Variants in KDM6A observed in about 807,000 individuals in gnomAD.
The protein encoded by KDM6A is lysine demethylase 6A, also known as lysine-specific demethylase 6A.
A neutral mutation model predicts 117.6 loss-of-function variants in KDM6A; 11 were observed. The observed-to-expected ratio is 0.09, with a 90% CI of 0.06 to 0.15. The LOEUF is 0.15. Among genes scored for constraint, KDM6A ranks in the 10% least tolerant of loss-of-function variants. The pLI is 1.00. For missense variants in KDM6A, 799 were observed against 1,077.3 expected (o/e 0.74, Z 3.62); for synonymous variants, 384 against 396.1 (o/e 0.97, Z 0.36).
At chrX:44,926,372 C>T (rs968957897) in intron 2 of KDM6A, among the ~76,000 whole-genome samples, 2 of 111,122 alleles carry the variant, frequency 1.8e-5, no homozygotes, top group African/African-American at 3.3e-5. Context: ...CCACCACTCC[C>T]GGCCAAGGAT....
At chrX:44,885,828 C>T (rs1394472265) in intron 2 of KDM6A, among the ~76,000 whole-genome samples, 2 of 109,762 alleles carry the variant, frequency 1.8e-5, no homozygotes, top group African/African-American at 6.6e-5. Flanking sequence ...TGAGATCACA[C>T]CACTGCATTC....
chrX:44,882,540 T>C (rs1191366354), intron 2 of KDM6A, among the ~76,000 whole-genome samples: 1 of 112,521 alleles, frequency 8.9e-6, no homozygotes, highest in Non-Finnish European at 1.9e-5. Flanking sequence ...ATTTTGTTTG[T>C]ATTTTGATAC....
chrX:44,885,624 A>G (rs1157109320), intron 2 of KDM6A, among the ~76,000 whole-genome samples: 1 of 110,548 alleles, frequency 9.0e-6, no homozygotes, highest in Admixed American at 9.7e-5. Context: ...TGATCCCAGC[A>G]CTTTCAGGGG....
At chrX:45,007,744 A>T (rs1254987301) in intron 4 of KDM6A, among the ~76,000 whole-genome samples, 1 of 111,356 alleles carries the variant, frequency 9.0e-6, no homozygotes, top group African/African-American at 3.3e-5. Context: ...TCAACACACA[A>T]GTAACAAATA....
intron 4 of KDM6A, among the ~76,000 whole-genome samples, chrX:45,000,735 A>T (rs2041100997): frequency 8.9e-6 from 1 of 112,577 alleles, no homozygotes; most frequent in Non-Finnish European, 1.9e-5. Context: ...TGGGAGATGG[A>T]AGCTGGATGG....
At chrX:45,041,122 G>A (rs1434202913) in intron 8 of KDM6A, among the ~76,000 whole-genome samples, 17 of 74,745 alleles carry the variant, frequency 2.3e-4, no homozygotes, top group Non-Finnish European at 4.0e-4. Flanking sequence ...CCGGGCGGGG[G>A]GCTGACCCCC....
At chrX:45,072,013 G>A (rs766066470) in intron 18 of KDM6A, among the ~76,000 whole-genome samples, 23 of 111,464 alleles carry the variant, frequency 2.1e-4, no homozygotes, top group Admixed American at 2.0e-3. Context: ...AACCTCAAGT[G>A]TTCCACCTGC....
At chrX:44,927,823 G>C (rs1295182906) in intron 2 of KDM6A, among the ~76,000 whole-genome samples, 2 of 111,511 alleles carry the variant, frequency 1.8e-5, no homozygotes, top group African/African-American at 6.5e-5. Context: ...TGAGGAAAAA[G>C]TAAAAAACAG....
chrX:45,083,340 G>C, intron 23 of KDM6A, 120 bp from the exon 24 acceptor site: 1 of 680,779 alleles, frequency 1.5e-6, no homozygotes. Context: ...TTATGGAAAA[G>C]TAAAATATTT....
At chrX:44,884,102 CAAAAAA>C (rs60159327) in intron 2 of KDM6A, among the ~76,000 whole-genome samples, 68 of 23,776 alleles carry the variant, frequency 2.9e-3, no homozygotes, top group Non-Finnish European at 1.0e-3. Context: ...AACTCTATCT[CAAAAAA>C]AAAAAAAAAA....
intron 2 of KDM6A, among the ~76,000 whole-genome samples, chrX:44,936,046 A>C (rs1326192815): frequency 8.9e-6 from 1 of 112,163 alleles, no homozygotes; most frequent in Non-Finnish European, 1.9e-5. Flanking sequence ...AAAACACAGA[A>C]ATTTATTCTT....
chrX:45,041,287 T>A (rs1199841386), intron 8 of KDM6A, among the ~76,000 whole-genome samples: 6 of 78,488 alleles, frequency 7.6e-5, no homozygotes, highest in Admixed American at 6.5e-4. Context: ...ACTGGGCAGC[T>A]GGCCGGGCGG....
intron 2 of KDM6A, among the ~76,000 whole-genome samples, chrX:44,934,532 TC>T (rs1291881003): frequency 5.4e-5 from 6 of 111,935 alleles, no homozygotes; most frequent in Admixed American, 9.5e-5. Context: ...CTGGAAACTT[TC>T]GTTCCTCCGG....
At chrX:45,088,017 T>TA (rs1317186103) in intron 25 of KDM6A, among the ~76,000 whole-genome samples, 1 of 111,370 alleles carries the variant, frequency 9.0e-6, no homozygotes. Flanking sequence ...AATATATGAT[T>TA]AAAATGATGC....
chrX:44,976,799 G>T (rs1324375404), intron 4 of KDM6A, among the ~76,000 whole-genome samples: 1 of 111,175 alleles, frequency 9.0e-6, no homozygotes, highest in Non-Finnish European at 1.9e-5. Flanking sequence ...TTTGTGTACA[G>T]GTTTTTGTGT....
At chrX:45,024,143 A>T (rs1012559865) in intron 6 of KDM6A, among the ~76,000 whole-genome samples, 1 of 111,907 alleles carries the variant, frequency 8.9e-6, no homozygotes, top group African/African-American at 3.3e-5. Context: ...TTTCCTCTGG[A>T]TAGATATCCA....
chrX:44,878,149 T>C (rs1020335251), intron 2 of KDM6A, among the ~76,000 whole-genome samples: 1 of 111,380 alleles, frequency 9.0e-6, no homozygotes, highest in African/African-American at 3.3e-5. Flanking sequence ...TTTTTTTGGG[T>C]TTCAGAATAT....
chrX:45,070,770 A>T (rs1440755896), intron 18 of KDM6A, among the ~76,000 whole-genome samples: 1 of 107,702 alleles, frequency 9.3e-6, no homozygotes, highest in African/African-American at 3.4e-5. Flanking sequence ...CCCATCACTT[A>T]TCAAGGCTAG....
intron 4 of KDM6A, among the ~76,000 whole-genome samples, chrX:44,990,589 A>AATAAATGC (rs2040528165): frequency 9.1e-6 from 1 of 110,387 alleles, no homozygotes; most frequent in African/African-American, 3.3e-5. Flanking sequence ...TAAATAAATA[A>AATAAATGC]AAGCTGTCAT....
Sources: allele counts gnomAD v4.1 joint callset (sites outside exome capture counted in the v4.1 genomes callset), GRCh38; gene constraint gnomAD v4.1.1; transcripts MANE v1.5; gene names NCBI Gene and HGNC (gene_info 2026-07-23, HGNC 2026-07-21).